IL33: variants seen among roughly 807,000 people sequenced by gnomAD.
The protein encoded by IL33 is interleukin-33.
A neutral mutation model predicts 27.3 loss-of-function variants in IL33; 37 were observed. That is an observed-to-expected ratio of 1.36 (90% CI 1.04 to 1.78). IL33 has a LOEUF of 1.78. Among genes scored for constraint, IL33 ranks in the 40% most tolerant of loss-of-function variants. The pLI, the probability that IL33 is intolerant of heterozygous loss-of-function variation, is 0.00. For missense variants in IL33, 406 were observed against 311.4 expected, an observed-to-expected ratio of 1.30 and a Z score of -2.29; for synonymous variants, 132 against 102.9, an observed-to-expected ratio of 1.28 and a Z score of -1.71.
chr9:6,219,775 C>T lies in IL33; in HGVS notation c.-12+3923C>T, dbSNP rs1488878960. On this transcript the variant is annotated intron_variant, in intron 1 of 7. Transcript: ENST00000682010. ...CTAAAAGTGAGACATTTATCTTCCACATTATCCCTCACAGCACCTCTGTGA... is the reference window on the plus strand; with the variant it reads ...CTAAAAGTGAGACATTTATCTTCCATATTATCCCTCACAGCACCTCTGTGA... 2.0e-5 allele frequency among the ~76,000 whole-genome samples: 3 copies of T among 152,170 alleles called. No homozygotes were observed. In the East Asian group the frequency reaches 5.8e-4, roughly 29 times the overall value.
At chr9:6,232,738 C>A (rs1248428609) in intron 1 of IL33, among the ~76,000 whole-genome samples, 1 of 152,148 alleles carries the variant, frequency 6.6e-6, no homozygotes, top group African/African-American at 2.4e-5. Context: ...CCCTGACCTC[C>A]TTTTCTGTTC....
rs753329763 is a variant in IL33, at chr9:6,254,548, G to A, written c.607G>A (p.Val203Met). ...GCATGCCAACAACAAGGAACACTCT[G>A]TGGAGGTAAAAAAAAAAAATTTATC... ...WLHANNKEHS[V>M]ELHKCEKPLP... is the part of the protein sequence containing the mutation. Residue 203 changes from valine (V) to methionine (M), a missense_variant, in exon 7 of 8, where the codon GTG (valine) becomes ATG (methionine). Physicochemically the swap from Val to Met is conservative, Grantham distance 21. Transcript: ENST00000682010. The A allele has an allele frequency of 1.9e-6, 3 of 1,568,694 alleles. No individual in the cohort carries two copies. Among genetic ancestry groups the A allele is most frequent in the Non-Finnish European group, 1.7e-6 (2 of 1,160,302 alleles).
chr9:6,239,254 G>C (rs540930228), intron 1 of IL33, among the ~76,000 whole-genome samples: 7 of 151,888 alleles, frequency 4.6e-5, no homozygotes, highest in African/African-American at 1.5e-4. Flanking sequence ...TCCTTTTTTG[G>C]TTATATTCAA....
At chr9:6,228,371 T>TA (rs1818745436) in intron 1 of IL33, among the ~76,000 whole-genome samples, 3 of 152,252 alleles carry the variant, frequency 2.0e-5, no homozygotes, top group Admixed American at 2.0e-4. Flanking sequence ...AAGTATTTCA[T>TA]ACTCCTTTGA....
chr9:6,219,446 G>A (rs781478126), intron 1 of IL33, among the ~76,000 whole-genome samples: 5 of 152,018 alleles, frequency 3.3e-5, no homozygotes, highest in Admixed American at 6.6e-5. Flanking sequence ...TGTTATTATC[G>A]GTAGATTACA....
intron 7 of IL33, among the ~76,000 whole-genome samples, chr9:6,255,580 C>G (rs140088557): frequency 1.3e-5 from 2 of 152,044 alleles, no homozygotes; most frequent in African/African-American, 4.8e-5. Context: ...TTACTCATGT[C>G]TGTAGATATT....
intron 1 of IL33, among the ~76,000 whole-genome samples, chr9:6,218,633 A>G (rs1818256299): frequency 6.8e-6 from 1 of 146,410 alleles, no homozygotes; most frequent in Non-Finnish European, 1.5e-5. Context: ...CCCTATATAT[A>G]TATTTTTTCT....
At chr9:6,228,499 A>G (rs1818754334) in intron 1 of IL33, among the ~76,000 whole-genome samples, 2 of 151,882 alleles carry the variant, frequency 1.3e-5, no homozygotes, top group African/African-American at 2.4e-5. Context: ...AAAGGTCTCT[A>G]TGTTCCATGT....
At chr9:6,215,457 T>C (rs541185974), upstream of IL33, among the ~76,000 whole-genome samples, 25 of 152,216 alleles carry the variant, frequency 1.6e-4, no homozygotes, top group Non-Finnish European at 2.9e-4. Flanking sequence ...GATCTCTTAA[T>C]GAAGTTTGTA....
At chr9:6,252,056 C>G (rs375783277) in intron 4 of IL33, among the ~76,000 whole-genome samples, 1 of 114,284 alleles carries the variant, frequency 8.8e-6, no homozygotes, top group Non-Finnish European at 1.7e-5. Flanking sequence ...AACAAACAAA[C>G]AAAAAAAAAC....
At chr9:6,221,973 A>G (rs1442328630) in intron 1 of IL33, among the ~76,000 whole-genome samples, 1 of 152,198 alleles carries the variant, frequency 6.6e-6, no homozygotes, top group East Asian at 1.9e-4. Context: ...AATTCCACAG[A>G]GAAATAATGA....
chr9:6,245,749 T>G (rs1311961962), intron 2 of IL33, among the ~76,000 whole-genome samples: 1 of 152,184 alleles, frequency 6.6e-6, no homozygotes, highest in Non-Finnish European at 1.5e-5. Context: ...AAATAAATGA[T>G]TCTCAGCTTT....
rs187441404 is a variant in IL33, at chr9:6,233,620, G to A, written c.-11-8064G>A. 4.1e-4 allele frequency among the ~76,000 whole-genome samples: 63 copies of A among 152,174 alleles called. 1 individual carries two copies. Among genetic ancestry groups the A allele is most frequent in the Middle Eastern group, 6.8e-3 (2 of 294 alleles). On this transcript the variant is annotated intron_variant, in intron 1 of 7. Coordinates refer to ENST00000682010, the MANE Select transcript of IL33 (RefSeq NM_033439.4). The stretch of plus-strand genomic sequence containing the variant: ...CTGTGCACCAGCTACTGTGCTAAGC[G>A]CTGAAAATATATCTTCTCATTTAAT...
rs200800717 is a variant in IL33, at chr9:6,255,953, C to T, written c.613-15C>T. ...CCCATTCACATATGGATTGCTTTCT[C>T]TCTTGTTTCCTCAGCTCCATAAGTG... On this transcript the variant is annotated splice_polypyrimidine_tract_variant and intron_variant, in intron 7 of 7. Transcript: ENST00000682010. 626 of 1,610,808 alleles carry T rather than the reference C, an allele frequency of 3.9e-4. No individual in the cohort carries two copies. The highest frequency in any genetic ancestry group is 5.1e-4 in the Non-Finnish European group (596 of 1,177,396).
intron 1 of IL33, among the ~76,000 whole-genome samples, chr9:6,238,754 A>C (rs570377062): frequency 8.3e-4 from 127 of 152,330 alleles, no homozygotes; most frequent in Non-Finnish European, 1.5e-3. Context: ...AAGAAGAAGC[A>C]ATAATTATTG....
intron 2 of IL33, among the ~76,000 whole-genome samples, chr9:6,245,449 C>A (rs1221993745): frequency 3.3e-5 from 5 of 152,030 alleles, no homozygotes; most frequent in African/African-American, 9.7e-5. Flanking sequence ...ATCCTGTAGA[C>A]AGTAGGGAAT....
In IL33 at chr9:6,257,552, A is replaced by G. The variant is rs1227330149; in HGVS notation, c.*1384A>G. 6.6e-6 allele frequency: 1 copy of G among 152,590 alleles called. No homozygotes were observed. The highest frequency in any genetic ancestry group is 2.4e-5 in the African/African-American group (1 of 41,434). The allele number at this position is 152,590 out of a possible 1,614,324, so 9.5% of individuals were successfully genotyped here. A position where few individuals can be genotyped will look rare whatever the true frequency, so the allele number is the denominator to read the frequency against. ...ATATAATAACATTTTTTAACTACTA[A>G]AGGAGTAGTTTTTATTTTAAAGTCT... On this transcript the variant is annotated 3_prime_UTR_variant, in exon 8 of 8. Transcript: ENST00000682010.
At chr9:6,222,619 T>C (rs952199722) in intron 1 of IL33, among the ~76,000 whole-genome samples, 3 of 152,256 alleles carry the variant, frequency 2.0e-5, no homozygotes, top group African/African-American at 7.2e-5. Flanking sequence ...TCTGTAACTT[T>C]AGTCTTGGCA....
chr9:6,252,008 G>A (rs1191285292), intron 4 of IL33, among the ~76,000 whole-genome samples: 6 of 145,860 alleles, frequency 4.1e-5, no homozygotes, highest in African/African-American at 1.3e-4. Flanking sequence ...GGGCACTCTC[G>A]CCTGGGCAAC....
Sources: allele counts gnomAD v4.1 joint callset (sites outside exome capture counted in the v4.1 genomes callset), GRCh38; gene constraint gnomAD v4.1.1; transcripts MANE v1.5; gene names NCBI Gene and HGNC (gene_info 2026-07-23, HGNC 2026-07-21).